Variants in SFMBT1 observed in about 807,000 individuals in gnomAD.
The protein encoded by SFMBT1 is scm-like with four MBT domains protein 1.
Under a neutral mutation model 108.7 loss-of-function variants are expected in SFMBT1, and 32 were observed. That is an observed-to-expected ratio of 0.29 (90% confidence interval 0.22 to 0.40). SFMBT1 has a LOEUF of 0.40. SFMBT1 is among the 10% of genes least tolerant of loss of function. SFMBT1 has a pLI of 1.00. For synonymous variants in SFMBT1, 348 were observed against 369.5 expected (o/e 0.94, Z 0.67); for missense variants, 816 against 1,059.6 (o/e 0.77, Z 3.19).
At position 52,950,763 on chromosome 3, in the gene SFMBT1, C is replaced by T. The variant is rs180996333; in HGVS notation, c.123+3554G>A. ...TGCTGGGATTACAGGCGTGAGCCAC[C>T]GTGCCCGGCTGCTGTCATTATTTTG... On this transcript the variant is annotated intron_variant, in intron 3 of 20. Coordinates refer to ENST00000394752, the MANE Select transcript of SFMBT1 (RefSeq NM_016329.4). 1.2e-4 allele frequency among the ~76,000 whole-genome samples: 18 copies of T among 152,202 alleles called. 1 individual carries two copies. The highest frequency in any genetic ancestry group is 4.1e-4 in the African/African-American group (17 of 41,540).
chr3:53,005,560 C>T (rs1205772269), intron 1 of SFMBT1, among the ~76,000 whole-genome samples: 1 of 152,204 alleles, frequency 6.6e-6, no homozygotes, highest in East Asian at 1.9e-4. Flanking sequence ...GATCCTCCCA[C>T]CTTGGCCTTC....
rs140645591 is a variant in SFMBT1 at position 52,998,556 on chromosome 3, C to T, written c.-130-29298G>A. ...AGGGCCCAGCCATAGCTCTCGCCCT[C>T]GCAGGGTCCCTCCAGGGTCTCTGCT... On this transcript the variant is annotated intron_variant, in intron 1 of 20. Coordinates refer to ENST00000394752, the MANE Select transcript of SFMBT1 (RefSeq NM_016329.4). 1.1e-3 allele frequency among the ~76,000 whole-genome samples: 162 copies of T among 150,316 alleles called. 9 individuals are homozygous for T. The East Asian group carries it at 0.029, about 27-fold the overall frequency.
chr3:53,000,070 G>A (rs1337857371), intron 1 of SFMBT1, among the ~76,000 whole-genome samples: 1 of 149,836 alleles, frequency 6.7e-6, no homozygotes, highest in Non-Finnish European at 1.5e-5. Flanking sequence ...CACCGTGTTA[G>A]CCAGGATGGT....
intron 1 of SFMBT1, among the ~76,000 whole-genome samples, chr3:53,029,006 T>C (rs944995794): frequency 6.6e-6 from 1 of 151,524 alleles, no homozygotes; most frequent in Non-Finnish European, 1.5e-5. Context: ...CCCCGTCTCT[T>C]CTAAAAATAC....
intron 4 of SFMBT1, among the ~76,000 whole-genome samples, chr3:52,939,710 C>T (rs1703123762): frequency 6.6e-6 from 1 of 152,106 alleles, no homozygotes; most frequent in African/African-American, 2.4e-5. Flanking sequence ...TAAGGTGTTT[C>T]TCAAGTCCTT....
intron 1 of SFMBT1, among the ~76,000 whole-genome samples, chr3:53,034,144 A>G (rs1699787499): frequency 6.6e-6 from 1 of 152,118 alleles, no homozygotes; most frequent in Non-Finnish European, 1.5e-5. Flanking sequence ...CTTTTTAAAT[A>G]CAAAGGACTT....
chr3:52,964,639 A>T (rs1559529027), intron 2 of SFMBT1, among the ~76,000 whole-genome samples: 1 of 152,182 alleles, frequency 6.6e-6, no homozygotes, highest in Non-Finnish European at 1.5e-5. Context: ...TAAATATCAT[A>T]CCTACTTTAA....
At chr3:52,987,915 GGAATGGAATAACACTGAATTAA>G (rs957666378) in intron 1 of SFMBT1, among the ~76,000 whole-genome samples, 9 of 152,242 alleles carry the variant, frequency 5.9e-5, no homozygotes, top group East Asian at 1.9e-4. Flanking sequence ...ATTCTTTAAT[GGAATGGAATAACACTGAATTAA>G]GAATGGAATA....
chr3:52,978,766 T>C (rs1010950455), intron 1 of SFMBT1, among the ~76,000 whole-genome samples: 1 of 152,216 alleles, frequency 6.6e-6, no homozygotes, highest in Non-Finnish European at 1.5e-5. Context: ...TATAATGGAA[T>C]ATTATTCAGC....
intron 2 of SFMBT1, 122 bp downstream of exon 2, chr3:52,968,979 T>A: frequency 8.5e-7 from 1 of 1,182,102 alleles, no homozygotes; most frequent in Non-Finnish European, 1.2e-6. Context: ...AAGATGGCAA[T>A]GAAAAACAAC....
At chr3:53,016,257 T>G (rs1699121169) in intron 1 of SFMBT1, among the ~76,000 whole-genome samples, 1 of 152,088 alleles carries the variant, frequency 6.6e-6, no homozygotes, top group South Asian at 2.1e-4. Flanking sequence ...ACTACTACAC[T>G]CTCTGAGCTC....
intron 1 of SFMBT1, among the ~76,000 whole-genome samples, chr3:52,993,124 T>C (rs536346241): frequency 5.3e-5 from 8 of 150,828 alleles, no homozygotes; most frequent in Non-Finnish European, 1.2e-4. Context: ...GCTCAAAAAA[T>C]AGCACATAGA....
Position 52,904,051 on chromosome 3 carries a change from T to G in SFMBT1, c.*1085A>C, listed in dbSNP as rs552399059. The stretch of plus-strand genomic sequence containing the variant: ...CTAACAGAAACTCCATGCTCTGCGT[T>G]ACCCTCCAAAACATGTTTTCTGTGC... On this transcript the variant is annotated 3_prime_UTR_variant, in exon 21 of 21. Transcript: ENST00000394752. 2.0e-5 allele frequency: 3 copies of G among 152,350 alleles called. No individual in the cohort carries two copies. In the East Asian group the frequency reaches 5.8e-4, roughly 29 times the overall value. 9.4% of individuals were successfully genotyped at this position (152,350 alleles called of 1,614,324 possible). A position where few individuals can be genotyped will look rare whatever the true frequency, so the allele number is the denominator to read the frequency against.
intron 1 of SFMBT1, among the ~76,000 whole-genome samples, chr3:53,002,884 C>CAGA (rs1698606943): frequency 6.7e-6 from 1 of 149,888 alleles, no homozygotes; most frequent in Non-Finnish European, 1.5e-5. Context: ...GGGTGTTTTC[C>CAGA]CCCGCTCTCT....
chr3:53,009,374 G>C (rs28703847), intron 1 of SFMBT1, among the ~76,000 whole-genome samples: 5,117 of 152,102 alleles, frequency 0.034, 273 homozygotes, highest in African/African-American at 0.11. Context: ...CTTGAACCCG[G>C]GAGGCAGAGA....
intron 1 of SFMBT1, among the ~76,000 whole-genome samples, chr3:52,989,130 T>C (rs1705030607): frequency 6.6e-6 from 1 of 152,178 alleles, no homozygotes; most frequent in Admixed American, 6.5e-5. Flanking sequence ...AAAAATAATT[T>C]GGTTTCTTTC....
chr3:53,029,090 A>G (rs970275609), intron 1 of SFMBT1, among the ~76,000 whole-genome samples: 1 of 150,244 alleles, frequency 6.7e-6, no homozygotes, highest in African/African-American at 2.5e-5. Flanking sequence ...GGAGAATGGC[A>G]TGAACCCGGG....
chr3:52,966,103 G>A (rs1233963030), intron 2 of SFMBT1, among the ~76,000 whole-genome samples: 2 of 147,518 alleles, frequency 1.4e-5, no homozygotes, highest in Non-Finnish European at 1.5e-5. Context: ...GGATCACGAG[G>A]TCAGGAAATC....
intron 4 of SFMBT1, among the ~76,000 whole-genome samples, chr3:52,935,160 C>T (rs1017726260): frequency 1.3e-5 from 2 of 152,126 alleles, no homozygotes; most frequent in African/African-American, 4.8e-5. Context: ...TAATTTTACC[C>T]AGAAGGTACC....
Sources: gnomAD v4.1 joint callset for allele counts (sites outside exome capture counted in the v4.1 genomes callset) on GRCh38, gnomAD v4.1.1 for gene constraint, MANE v1.5 for transcripts, NCBI Gene and HGNC (gene_info 2026-07-23, HGNC 2026-07-21) for gene names.